The following ZNF385D variants were observed in gnomAD, a reference collection of about 807,000 sequenced individuals.
The protein encoded by ZNF385D is zinc finger protein 385D, also known as zinc finger protein 659.
A neutral mutation model predicts 35.8 loss-of-function variants in ZNF385D; 15 were observed. The observed-to-expected ratio is 0.42, with a 90% confidence interval of 0.28 to 0.64. ZNF385D has a LOEUF of 0.64. ZNF385D is among the 30% of genes least tolerant of loss of function. The pLI is 0.23. For synonymous variants in ZNF385D, 212 were observed against 186.8 expected, an observed-to-expected ratio of 1.13 and a Z score of -1.10; for missense variants, 474 against 494.6, an observed-to-expected ratio of 0.96 and a Z score of 0.39.
intron 2 of ZNF385D, among the ~76,000 whole-genome samples, chr3:21,567,610 G>A (rs1194696552): frequency 6.6e-6 from 1 of 152,018 alleles, no homozygotes; most frequent in Non-Finnish European, 1.5e-5. Flanking sequence ...TGACTTACAG[G>A]TAGATGCCTT....
At chr3:21,700,938 C>T (rs1389098633) in intron 1 of ZNF385D, among the ~76,000 whole-genome samples, 3 of 151,960 alleles carry the variant, frequency 2.0e-5, no homozygotes, top group Admixed American at 6.6e-5. Flanking sequence ...ATTTTTTCTC[C>T]GCCTCCAGGT....
At chr3:21,577,973 C>G (rs1266091303) in intron 2 of ZNF385D, among the ~76,000 whole-genome samples, 1 of 151,758 alleles carries the variant, frequency 6.6e-6, no homozygotes, top group Non-Finnish European at 1.5e-5. Context: ...TCAAGCCTGG[C>G]TAATTTTTTA....
chr3:22,093,052 G>A (rs749192820), intron 3 of ZNF385D, among the ~76,000 whole-genome samples: 51 of 152,064 alleles, frequency 3.4e-4, no homozygotes, highest in Admixed American at 1.8e-3. Flanking sequence ...CCCTAAAGTG[G>A]GACAACGTAG....
chr3:22,148,053 CTTA>C (rs939576083), intron 3 of ZNF385D, among the ~76,000 whole-genome samples: 6 of 152,062 alleles, frequency 3.9e-5, no homozygotes, highest in Non-Finnish European at 8.8e-5. Flanking sequence ...TTGATTGTGG[CTTA>C]TTTTTAGTAT....
intron 2 of ZNF385D, among the ~76,000 whole-genome samples, chr3:22,207,278 C>T (rs1368273142): frequency 6.6e-6 from 1 of 151,866 alleles, no homozygotes; most frequent in South Asian, 2.1e-4. Flanking sequence ...TTTGCCAAAA[C>T]AATTCCATAC....
intron 3 of ZNF385D, among the ~76,000 whole-genome samples, chr3:22,004,352 C>CTT (rs1279797032): frequency 1.4e-5 from 2 of 147,374 alleles, no homozygotes; most frequent in African/African-American, 2.5e-5. Flanking sequence ...AGGGGAAATG[C>CTT]TGCAGGACAT....
intron 2 of ZNF385D, among the ~76,000 whole-genome samples, chr3:21,573,362 T>C (rs910420690): frequency 1.3e-5 from 2 of 152,128 alleles, no homozygotes; most frequent in African/African-American, 4.8e-5. Context: ...AATAACAAGA[T>C]TATGGTTTTT....
chr3:22,194,751 G>A (rs1696294466), intron 2 of ZNF385D, among the ~76,000 whole-genome samples: 3 of 152,004 alleles, frequency 2.0e-5, no homozygotes, highest in Admixed American at 1.3e-4. Context: ...ATAAAAAAGT[G>A]TGTGCCCCTT....
intron 3 of ZNF385D, among the ~76,000 whole-genome samples, chr3:21,537,817 GA>G (rs2062072942): frequency 6.6e-6 from 1 of 152,166 alleles, no homozygotes; most frequent in Admixed American, 6.5e-5. Context: ...TAATCTAAGT[GA>G]AATGCAGCAC....
At chr3:21,843,506 G>C (rs148447128) in intron 3 of ZNF385D, among the ~76,000 whole-genome samples, 1 of 151,922 alleles carries the variant, frequency 6.6e-6, no homozygotes, top group African/African-American at 2.4e-5. Context: ...GCACGTGAGA[G>C]GTAGACTCTG....
At position 21,510,853 on chromosome 3, in the gene ZNF385D, T is replaced by G; in HGVS notation, c.439+8A>C. 1 of 1,613,868 alleles carries G rather than the reference T, an allele frequency of 6.2e-7. No individual in the cohort carries two copies. The highest frequency in any genetic ancestry group is 8.5e-7 in the Non-Finnish European group (1 of 1,179,776). ...CGAGGACAACAACAACAAAGATCAT[T>G]GCTTAACCTGTTTTGTCAGAGCTGG... On this transcript the variant is annotated splice_region_variant and intron_variant, in intron 4 of 7. Transcript: ENST00000281523.
intron 3 of ZNF385D, among the ~76,000 whole-genome samples, chr3:21,853,129 G>C (rs910111486): frequency 8.6e-5 from 13 of 151,196 alleles, no homozygotes; most frequent in Admixed American, 1.3e-4. Flanking sequence ...ATAGCAAAAA[G>C]ATACATTTAG....
intron 3 of ZNF385D, among the ~76,000 whole-genome samples, chr3:21,926,052 C>T (rs1192647624): frequency 2.6e-5 from 4 of 152,202 alleles, no homozygotes; most frequent in Admixed American, 2.6e-4. Context: ...AATATAGCCA[C>T]TCTGAAAACT....
At chr3:22,131,115 A>G (rs181964302) in intron 3 of ZNF385D, among the ~76,000 whole-genome samples, 3 of 152,348 alleles carry the variant, frequency 2.0e-5, no homozygotes, top group Non-Finnish European at 2.9e-5. Flanking sequence ...GATAAAATGT[A>G]TAAGATAATG....
intron 1 of ZNF385D, among the ~76,000 whole-genome samples, chr3:21,740,870 AATGCAG>A (rs1363311981): frequency 6.6e-6 from 1 of 152,180 alleles, no homozygotes; most frequent in Non-Finnish European, 1.5e-5. Context: ...ATTAAATGAA[AATGCAG>A]ATGCCTGACT....
At chr3:21,943,495 A>C (rs954733885) in intron 3 of ZNF385D, among the ~76,000 whole-genome samples, 11 of 151,922 alleles carry the variant, frequency 7.2e-5, no homozygotes, top group Admixed American at 2.0e-4. Context: ...ATTATAATAT[A>C]TTCAGTATAT....
chr3:21,666,369 G>C (rs754488330), intron 1 of ZNF385D, among the ~76,000 whole-genome samples: 3 of 152,114 alleles, frequency 2.0e-5, no homozygotes, highest in African/African-American at 7.2e-5. Context: ...CCTGCTCCCA[G>C]GTATAAAATC....
intron 4 of ZNF385D, among the ~76,000 whole-genome samples, chr3:21,471,305 A>G (rs879566457): frequency 9.5e-6 from 1 of 104,808 alleles, no homozygotes; most frequent in Admixed American, 1.0e-4. Flanking sequence ...TCACACACAC[A>G]CACACACACA....
intron 2 of ZNF385D, among the ~76,000 whole-genome samples, chr3:21,615,795 T>A (rs1010404500): frequency 8.9e-5 from 13 of 146,764 alleles, no homozygotes; most frequent in Non-Finnish European, 1.6e-4. Flanking sequence ...GGAGAAAGAG[T>A]GTGTGTGTGT....
Sources: gnomAD v4.1 joint callset for allele counts (sites outside exome capture counted in the v4.1 genomes callset) on GRCh38, gnomAD v4.1.1 for gene constraint, MANE v1.5 for transcripts, NCBI Gene and HGNC (gene_info 2026-07-23, HGNC 2026-07-21) for gene names.